The following APPL2 variants were observed in gnomAD, a reference collection of about 807,000 sequenced individuals.
The protein encoded by APPL2 is DCC-interacting protein 13-beta.
Under a neutral mutation model 92.7 loss-of-function variants are expected in APPL2, and 84 were observed. The observed-to-expected ratio is 0.91, with a 90% CI of 0.76 to 1.09. The LOEUF is 1.09. APPL2 is among the 50% of genes least tolerant of loss of function. APPL2 has a pLI of 0.00. For missense variants in APPL2, 736 were observed against 824.5 expected, an observed-to-expected ratio of 0.89 and a Z score of 1.31; for synonymous variants, 291 against 291.0, an observed-to-expected ratio of 1.00 and a Z score of 0.00.
intron 1 of APPL2, among the ~76,000 whole-genome samples, chr12:105,230,370 G>A (rs1219792676): frequency 6.6e-6 from 1 of 152,176 alleles, no homozygotes; most frequent in African/African-American, 2.4e-5. Flanking sequence ...GAATTAAGGT[G>A]CACAGAGGCA....
rs1566080995 is a variant in APPL2, at chr12:105,208,137, A to G, written c.415+21T>C. On this transcript the variant is annotated intron_variant, in intron 6 of 20. Transcript: ENST00000258530. ...CAGTAAGCCCACACACCCACACACC[A>G]GGAATGGAGAAGGTGCCTACCATTG... 12 of 1,614,150 alleles carry G rather than the reference A, an allele frequency of 7.4e-6. No homozygotes were observed. The South Asian group carries it at 1.1e-4, about 15-fold the overall frequency.
chr12:105,197,490 C>T lies in APPL2; in HGVS notation c.1052+275G>A, dbSNP rs531751031. The stretch of plus-strand genomic sequence containing the variant: ...TGAGAATCTATGCTAACAAGCACGA[C>T]TTCTGTTGCTGTCTCACACACGTAG... On this transcript the variant is annotated intron_variant, in intron 11 of 20. Transcript: ENST00000258530. Among the ~76,000 whole-genome samples, 27 of 152,368 alleles carry T rather than the reference C, an allele frequency of 1.8e-4. 1 individual carries two copies. Among genetic ancestry groups the T allele is most frequent in the African/African-American group, 6.3e-4 (26 of 41,592 alleles).
At chr12:105,213,436 C>G (rs1036061832) in intron 4 of APPL2, among the ~76,000 whole-genome samples, 4 of 152,170 alleles carry the variant, frequency 2.6e-5, no homozygotes, top group African/African-American at 9.7e-5. Context: ...CATGTGAGGA[C>G]AAGACAGTGA....
chr12:105,226,960 A>G (rs1333533960), intron 2 of APPL2, among the ~76,000 whole-genome samples: 10 of 151,924 alleles, frequency 6.6e-5, no homozygotes, highest in Non-Finnish European at 5.9e-5. Context: ...CAAAAATCAA[A>G]AAGAAAAAAA....
intron 2 of APPL2, among the ~76,000 whole-genome samples, chr12:105,219,498 T>C (rs1889939549): frequency 6.6e-6 from 1 of 152,212 alleles, no homozygotes; most frequent in African/African-American, 2.4e-5. Context: ...ATGTCCTTCA[T>C]TCAGATAGGA....
chr12:105,185,081 C>T (rs1886479225), intron 17 of APPL2, among the ~76,000 whole-genome samples: 1 of 152,170 alleles, frequency 6.6e-6, no homozygotes, highest in Admixed American at 6.5e-5. Context: ...CTACTCAAGC[C>T]TCAGTAATGG....
Position 105,173,427 on chromosome 12 carries a change from T to TGG in APPL2, c.*885_*886dup, listed in dbSNP as rs1197661722. 6.6e-6 allele frequency: 1 copy of TGG among 152,502 alleles called. No homozygotes were observed. Among genetic ancestry groups the TGG allele is most frequent in the African/African-American group, 2.4e-5 (1 of 41,398 alleles). The allele number at this position is 152,502 out of a possible 1,614,324, so 9.4% of individuals were successfully genotyped here. A position where few individuals can be genotyped will look rare whatever the true frequency, so the allele number is the denominator to read the frequency against. ...ATACTAGTTTGATAGGGAGGAGGGA[T>TGG]GGGGGAGTGGGCTGGGGTTCCAGGA... On this transcript the variant is annotated 3_prime_UTR_variant, in exon 21 of 21. Coordinates refer to ENST00000258530, the MANE Select transcript of APPL2 (RefSeq NM_018171.5).
At position 105,188,292 on chromosome 12, in the gene APPL2, C is replaced by A. The variant is rs757740468; in HGVS notation, c.1615G>T (p.Val539Phe). 6.2e-7 allele frequency: 1 copy of A among 1,613,994 alleles called. No individual in the cohort carries two copies. Among genetic ancestry groups the A allele is most frequent in the Non-Finnish European group, 8.5e-7 (1 of 1,180,010 alleles). Residue 539 changes from valine to phenylalanine, a missense_variant, in exon 17 of 21, where the codon GTC becomes TTC. Physicochemically the swap from Val to Phe is conservative, Grantham distance 50. Transcript: ENST00000258530. Reference sequence around the variant, plus strand: ...ACGTACCTCAAAGATTGACTGGTGACCATCAGATGGGATTCTGTCATGCGG... The same window carrying A: ...ACGTACCTCAAAGATTGACTGGTGAACATCAGATGGGATTCTGTCATGCGG... ...IFRMTESHLM[V>F]TSQSLRLIDP...
At chr12:105,179,664 G>A (rs145678266) in intron 17 of APPL2, among the ~76,000 whole-genome samples, 1,764 of 152,246 alleles carry the variant, frequency 0.012, 17 homozygotes, top group Middle Eastern at 0.044. Flanking sequence ...ACTTTTTAAT[G>A]ATCGCCATTC....
In APPL2 at chr12:105,228,973, G is replaced by A; in HGVS notation, c.153+152C>T. The A allele has an allele frequency of 4.6e-6, 3 of 650,096 alleles. No individual in the cohort carries two copies. In the South Asian group the frequency reaches 6.5e-5, roughly 14 times the overall value. The allele number at this position is 650,096 out of a possible 1,614,324, so 40.3% of individuals were successfully genotyped here. The stretch of plus-strand genomic sequence containing the variant: ...GAGAACAGACTGTCCTTAGGTTTTT[G>A]AGGTGAAAAGTAGTGAGAAAACAGT... On this transcript the variant is annotated intron_variant, in intron 2 of 20. Coordinates refer to ENST00000258530, the MANE Select transcript of APPL2 (RefSeq NM_018171.5).
intron 17 of APPL2, among the ~76,000 whole-genome samples, chr12:105,180,937 A>G (rs1403166392): frequency 6.6e-6 from 1 of 152,086 alleles, no homozygotes; most frequent in Admixed American, 6.5e-5. Flanking sequence ...CTCTCTTCCT[A>G]TTTGAATACC....
intron 19 of APPL2, 58 bp from the exon 20 acceptor site, chr12:105,176,140 A>G: frequency 6.7e-7 from 1 of 1,482,954 alleles, no homozygotes; most frequent in South Asian, 1.2e-5. Context: ...AAATTTTAGA[A>G]CAAATGTGAT....
intron 4 of APPL2, among the ~76,000 whole-genome samples, chr12:105,211,962 T>C (rs375455706): frequency 6.6e-5 from 10 of 151,712 alleles, no homozygotes; most frequent in African/African-American, 2.4e-4. Flanking sequence ...CTACTAAAAA[T>C]ACAAAAAATT....
chr12:105,222,883 G>C (rs1022246107), intron 2 of APPL2, among the ~76,000 whole-genome samples: 1 of 152,248 alleles, frequency 6.6e-6, no homozygotes, highest in Non-Finnish European at 1.5e-5. Context: ...GAGAAACTTT[G>C]TCAGGCTTGC....
At chr12:105,216,580 G>A (rs909623661) in intron 4 of APPL2, among the ~76,000 whole-genome samples, 30 of 152,208 alleles carry the variant, frequency 2.0e-4, no homozygotes, top group Admixed American at 2.6e-4. Context: ...ATGGGGGGTA[G>A]AGGGGATGTA....
At chr12:105,210,364 T>C (rs1227778938) in intron 5 of APPL2, among the ~76,000 whole-genome samples, 2 of 152,194 alleles carry the variant, frequency 1.3e-5, no homozygotes, top group Non-Finnish European at 2.9e-5. Flanking sequence ...GAGTAAGTAA[T>C]ATACTGACCA....
intron 5 of APPL2, among the ~76,000 whole-genome samples, chr12:105,210,552 G>A (rs1889131404): frequency 6.6e-6 from 1 of 152,086 alleles, no homozygotes; most frequent in Non-Finnish European, 1.5e-5. Context: ...GATTATTCAC[G>A]CTTTTTTATG....
intron 7 of APPL2, among the ~76,000 whole-genome samples, chr12:105,207,412 C>T (rs1469275224): frequency 2.6e-5 from 4 of 152,198 alleles, no homozygotes; most frequent in Non-Finnish European, 4.4e-5. Flanking sequence ...TGTGAGGCCG[C>T]GGTGAGGTGA....
intron 17 of APPL2, among the ~76,000 whole-genome samples, chr12:105,186,706 T>TATATC (rs1187889151): frequency 2.5e-5 from 3 of 119,560 alleles, no homozygotes; most frequent in African/African-American, 7.6e-5. Context: ...TATCATATCA[T>TATATC]ATATCATATC....
Sources: gnomAD v4.1 joint callset for allele counts (sites outside exome capture counted in the v4.1 genomes callset) on GRCh38, gnomAD v4.1.1 for gene constraint, MANE v1.5 for transcripts, NCBI Gene and HGNC (gene_info 2026-07-23, HGNC 2026-07-21) for gene names.